Variants in VCF1 observed in about 807,000 individuals in gnomAD.
The protein encoded by VCF1 is protein VCF1.
At chr17:73,219,262 A>G in the VCF1 span, among the ~76,000 whole-genome samples, 2 of 151,602 alleles carry the variant, frequency 1.3e-5, no homozygotes, top group African/African-American at 4.8e-5. Context: ...TGAGGTATTT[A>G]CAAACATATC....
chr17:73,225,609 A>G, the VCF1 span, among the ~76,000 whole-genome samples: 2 of 152,066 alleles, frequency 1.3e-5, no homozygotes, highest in East Asian at 3.9e-4. Flanking sequence ...CAGGACTTAC[A>G]TACAGACACA....
the VCF1 span, among the ~76,000 whole-genome samples, chr17:73,223,434 T>G: frequency 1.3e-5 from 2 of 152,208 alleles, no homozygotes; most frequent in Non-Finnish European, 2.9e-5. Flanking sequence ...TCAGTTCACA[T>G]TATTTAGCTT....
the VCF1 span, among the ~76,000 whole-genome samples, chr17:73,222,720 T>C: frequency 6.8e-6 from 1 of 147,170 alleles, no homozygotes; most frequent in Non-Finnish European, 1.5e-5. Flanking sequence ...GAGGTTGCAG[T>C]GAGCTGAGAT....
the VCF1 span, chr17:73,229,342 A>T: frequency 6.1e-6 from 6 of 985,466 alleles, no homozygotes; most frequent in Non-Finnish European, 7.2e-6. Flanking sequence ...CTTCATGCTC[A>T]TCCCTATCAG....
chr17:73,216,965 C>T, the VCF1 span, among the ~76,000 whole-genome samples: 1 of 152,234 alleles, frequency 6.6e-6, no homozygotes, highest in South Asian at 2.1e-4. Context: ...ATATTAATCA[C>T]TAAGCCATTC....
the VCF1 span, among the ~76,000 whole-genome samples, chr17:73,222,259 T>C: frequency 7.9e-5 from 12 of 151,408 alleles, no homozygotes; most frequent in East Asian, 2.3e-3. Flanking sequence ...ATTCTAAGGC[T>C]CATAAGTCAT....
the VCF1 span, chr17:73,209,868 A>C: frequency 6.7e-7 from 1 of 1,482,344 alleles, no homozygotes; most frequent in Non-Finnish European, 9.0e-7. Context: ...GTACCTTTCC[A>C]GTTCAGCTTG....
the VCF1 span, among the ~76,000 whole-genome samples, chr17:73,231,048 G>A: frequency 6.6e-6 from 1 of 151,976 alleles, no homozygotes; most frequent in Non-Finnish European, 1.5e-5. Flanking sequence ...TCTGTAATTG[G>A]GCCCCCAATT....
chr17:73,227,035 A>G, the VCF1 span: 1 of 650,870 alleles, frequency 1.5e-6, no homozygotes, highest in East Asian at 3.0e-5. Context: ...TTGGAAACAG[A>G]AAGGTTAAAC....
chr17:73,213,930 A>G, the VCF1 span, among the ~76,000 whole-genome samples: 3 of 152,210 alleles, frequency 2.0e-5, no homozygotes, highest in African/African-American at 7.2e-5. Context: ...AGATGGCACC[A>G]CTGCACTCCA....
At chr17:73,224,850 GACAGGACAGGACAGC>G in the VCF1 span, among the ~76,000 whole-genome samples, 2 of 139,636 alleles carry the variant, frequency 1.4e-5, no homozygotes, top group Non-Finnish European at 3.1e-5. Flanking sequence ...CACAGGACAG[GACAGGACAGGACAGC>G]ACAGGACAGG....
chr17:73,208,576 T>C, the VCF1 span: 1 of 1,185,864 alleles, frequency 8.4e-7, no homozygotes, highest in Admixed American at 1.7e-5. Context: ...TGTGGCCCCC[T>C]AGTTACTGTT....
the VCF1 span, among the ~76,000 whole-genome samples, chr17:73,224,900 G>GC: frequency 6.1e-3 from 753 of 124,394 alleles, 128 homozygotes; most frequent in Admixed American, 7.0e-3. Flanking sequence ...GACAGGACAG[G>GC]ACAGGACAGG....
chr17:73,224,256 G>A, the VCF1 span, among the ~76,000 whole-genome samples: 1 of 50,532 alleles, frequency 2.0e-5, no homozygotes, highest in Non-Finnish European at 3.5e-5. Context: ...GTGAGACGTC[G>A]TCTCTCCAAA....
the VCF1 span, among the ~76,000 whole-genome samples, chr17:73,229,050 A>C: frequency 6.6e-6 from 1 of 152,234 alleles, no homozygotes; most frequent in Non-Finnish European, 1.5e-5. Context: ...AGGAGGTTGC[A>C]TGGCAGAGGG....
chr17:73,230,429 T>C, the VCF1 span, among the ~76,000 whole-genome samples: 2 of 151,800 alleles, frequency 1.3e-5, no homozygotes, highest in African/African-American at 4.8e-5. Flanking sequence ...GATGGAAGTT[T>C]CGCTCTTGTT....
chr17:73,207,902 T>C, the VCF1 span: 2 of 1,183,404 alleles, frequency 1.7e-6, no homozygotes, highest in Admixed American at 4.0e-5. Flanking sequence ...CCTTGTCAAG[T>C]ATCTGGCTTT....
the VCF1 span, chr17:73,208,238 T>G: frequency 6.2e-7 from 1 of 1,607,512 alleles, no homozygotes; most frequent in Non-Finnish European, 8.5e-7. Flanking sequence ...GGACTCCGAG[T>G]GGCGTCGCGC....
chr17:73,226,662 C>T, the VCF1 span, among the ~76,000 whole-genome samples: 1 of 152,218 alleles, frequency 6.6e-6, no homozygotes, highest in Non-Finnish European at 1.5e-5. Context: ...TTCCAGAACA[C>T]CCAACTCCCC....
Sources: allele counts gnomAD v4.1 joint callset (sites outside exome capture counted in the v4.1 genomes callset), GRCh38; gene constraint gnomAD v4.1.1; transcripts MANE v1.5; gene names NCBI Gene and HGNC (gene_info 2026-07-23, HGNC 2026-07-21).